The following KIAA0825 variants were observed in gnomAD, a reference collection of about 807,000 sequenced individuals.
KIAA0825 encodes uncharacterized protein KIAA0825.
KIAA0825 carries 119 observed loss-of-function variants against 147.6 expected under a neutral mutation model. The observed-to-expected ratio is 0.81, with a 90% CI of 0.69 to 0.94. The LOEUF is 0.94. Ranked by LOEUF, KIAA0825 falls within the 40% of genes least tolerant of loss-of-function variation. The pLI is 0.00. For missense variants in KIAA0825, 1,381 were observed against 1,472.7 expected (o/e 0.94, Z 1.02); for synonymous variants, 470 against 518.1 (o/e 0.91, Z 1.26).
At chr5:94,209,291 C>T (rs1772487204) in intron 20 of KIAA0825, among the ~76,000 whole-genome samples, 1 of 152,126 alleles carries the variant, frequency 6.6e-6, no homozygotes, top group Non-Finnish European at 1.5e-5. Flanking sequence ...ACACACATAA[C>T]ACATACACAC....
intron 20 of KIAA0825, among the ~76,000 whole-genome samples, chr5:94,284,548 A>G (rs1777585941): frequency 6.6e-6 from 1 of 152,132 alleles, no homozygotes; most frequent in African/African-American, 2.4e-5. Context: ...GCAAAAATTT[A>G]TCAGTGCCCT....
intron 5 of KIAA0825, among the ~76,000 whole-genome samples, chr5:94,486,061 T>A (rs774130842): frequency 1.3e-5 from 2 of 151,970 alleles, no homozygotes; most frequent in Admixed American, 6.6e-5. Flanking sequence ...TATTTCATGT[T>A]CTTAACTCCA....
At chr5:94,406,290 C>T (rs1245066715) in intron 15 of KIAA0825, among the ~76,000 whole-genome samples, 4 of 152,172 alleles carry the variant, frequency 2.6e-5, no homozygotes, top group Non-Finnish European at 4.4e-5. Context: ...CTATTCTTAT[C>T]TGAGATCAAC....
At chr5:94,521,362 C>G (rs192320395) in intron 4 of KIAA0825, among the ~76,000 whole-genome samples, 1 of 151,644 alleles carries the variant, frequency 6.6e-6, no homozygotes, top group African/African-American at 2.4e-5. Context: ...TATTATAAAA[C>G]CCCAAATGAA....
intron 5 of KIAA0825, chr5:94,519,260 T>C: frequency 1.1e-6 from 1 of 892,546 alleles, no homozygotes; most frequent in Non-Finnish European, 1.3e-6. Flanking sequence ...ACAAGTATAG[T>C]GAGCTATAGG....
chr5:94,504,627 T>C (rs2151132725), intron 5 of KIAA0825, among the ~76,000 whole-genome samples: 1 of 152,314 alleles, frequency 6.6e-6, no homozygotes, highest in South Asian at 2.1e-4. Context: ...AGTATATATA[T>C]GTTCTTTCCC....
At chr5:94,564,427 A>G (rs111533516) in intron 2 of KIAA0825, among the ~76,000 whole-genome samples, 2 of 118,040 alleles carry the variant, frequency 1.7e-5, no homozygotes, top group African/African-American at 7.3e-5. Context: ...GGTATCGACT[A>G]CCGGCATGAG....
chr5:94,324,265 C>T (rs934850578), intron 20 of KIAA0825, among the ~76,000 whole-genome samples: 35 of 151,926 alleles, frequency 2.3e-4, no homozygotes, highest in Admixed American at 2.2e-3. Flanking sequence ...ACAATGTATG[C>T]GAACCTCTGA....
At chr5:94,424,953 A>C (rs1006225610) in intron 14 of KIAA0825, among the ~76,000 whole-genome samples, 34 of 152,236 alleles carry the variant, frequency 2.2e-4, no homozygotes, top group African/African-American at 7.7e-4. Flanking sequence ...GAAACAGAAA[A>C]CCTGAACAGA....
At chr5:94,222,099 G>A (rs1226667919) in intron 20 of KIAA0825, among the ~76,000 whole-genome samples, 1 of 152,082 alleles carries the variant, frequency 6.6e-6, no homozygotes, top group Non-Finnish European at 1.5e-5. Flanking sequence ...TTTCAGAGTT[G>A]AAAGGAACCT....
chr5:94,402,085 G>GA (rs1751452222), intron 16 of KIAA0825, among the ~76,000 whole-genome samples: 1 of 152,070 alleles, frequency 6.6e-6, no homozygotes, highest in Non-Finnish European at 1.5e-5. Flanking sequence ...ATATTCATGG[G>GA]ATCTGACATT....
At chr5:94,239,878 A>G (rs185930948) in intron 20 of KIAA0825, among the ~76,000 whole-genome samples, 3 of 152,304 alleles carry the variant, frequency 2.0e-5, no homozygotes, top group African/African-American at 7.2e-5. Context: ...TAGCCTGCAA[A>G]TAGTTGTACA....
At chr5:94,161,589 C>A (rs1767590567) in intron 20 of KIAA0825, among the ~76,000 whole-genome samples, 1 of 152,142 alleles carries the variant, frequency 6.6e-6, no homozygotes, top group African/African-American at 2.4e-5. Flanking sequence ...TTTGTTACAT[C>A]TTTTCTATTA....
intron 20 of KIAA0825, among the ~76,000 whole-genome samples, chr5:94,355,430 G>A (rs1021182690): frequency 6.6e-6 from 1 of 152,130 alleles, no homozygotes; most frequent in Non-Finnish European, 1.5e-5. Flanking sequence ...GTAATGTTAT[G>A]CTGAGTGAGA....
At chr5:94,274,190 C>G (rs1455684396) in intron 20 of KIAA0825, among the ~76,000 whole-genome samples, 1 of 152,040 alleles carries the variant, frequency 6.6e-6, no homozygotes, top group Non-Finnish European at 1.5e-5. Flanking sequence ...GCATACATAA[C>G]ATAATGGGGT....
At chr5:94,206,804 A>G (rs1772240920) in intron 20 of KIAA0825, among the ~76,000 whole-genome samples, 1 of 152,108 alleles carries the variant, frequency 6.6e-6, no homozygotes, top group African/African-American at 2.4e-5. Flanking sequence ...CTTTACATCA[A>G]CCATTTATGG....
chr5:94,167,505 A>C (rs1393370784), intron 20 of KIAA0825, among the ~76,000 whole-genome samples: 2 of 152,176 alleles, frequency 1.3e-5, no homozygotes, highest in Non-Finnish European at 2.9e-5. Context: ...ATGGATGGCA[A>C]AAATCTCACT....
At chr5:94,157,669 A>G (rs1166215093) in intron 20 of KIAA0825, among the ~76,000 whole-genome samples, 1 of 150,544 alleles carries the variant, frequency 6.6e-6, no homozygotes, top group African/African-American at 2.4e-5. Flanking sequence ...CCATACCATG[A>G]GCTAAGACCT....
chr5:94,296,286 C>A (rs1778132623), intron 20 of KIAA0825, among the ~76,000 whole-genome samples: 1 of 152,130 alleles, frequency 6.6e-6, no homozygotes, highest in African/African-American at 2.4e-5. Flanking sequence ...AGGTTGACTT[C>A]ATACTGCTGT....
Sources: allele counts gnomAD v4.1 joint callset (sites outside exome capture counted in the v4.1 genomes callset), GRCh38; gene constraint gnomAD v4.1.1; transcripts MANE v1.5; gene names NCBI Gene and HGNC (gene_info 2026-07-23, HGNC 2026-07-21).